The following DHRSX variants were observed in gnomAD, a reference collection of about 807,000 sequenced individuals.
DHRSX encodes dehydrogenase/reductase X-linked, also known as polyprenol dehydrogenase.
In DHRSX, 31 loss-of-function variants were observed where a neutral mutation model predicts 34.0. The ratio of observed to expected loss-of-function variants is 0.91; its 90% CI spans 0.69 to 1.23. DHRSX has a LOEUF of 1.23. Ranked by LOEUF, DHRSX falls within the 50% of genes most tolerant of loss-of-function variation. The probability of loss-of-function intolerance (pLI) is 0.00; values close to 1 mark genes in which losing one functional copy is unlikely to be tolerated. For missense variants in DHRSX, 414 were observed against 428.1 expected (o/e 0.97, Z 0.29); for synonymous variants, 201 against 183.8 (o/e 1.09, Z -0.76).
intron 1 of DHRSX, among the ~76,000 whole-genome samples, chrX:2,485,365 T>C (rs1204992535): frequency 6.6e-6 from 1 of 151,562 alleles, no homozygotes; most frequent in African/African-American, 2.4e-5. Flanking sequence ...ATTTTAATGA[T>C]GCCCAAGGAC....
At chrX:2,284,529 G>A (rs964214225) in intron 4 of DHRSX, among the ~76,000 whole-genome samples, 2 of 152,136 alleles carry the variant, frequency 1.3e-5, no homozygotes, top group South Asian at 2.1e-4. Context: ...TATCGTGGAC[G>A]TATTTCTTTG....
At chrX:2,271,063 T>C (rs1052197413) in intron 4 of DHRSX, among the ~76,000 whole-genome samples, 1 of 152,196 alleles carries the variant, frequency 6.6e-6, no homozygotes, top group African/African-American at 2.4e-5. Flanking sequence ...TTGTGGAAAC[T>C]TTGTTGTTTC....
rs1569485752 is a variant in DHRSX at position 2,303,876 on chromosome X, G to GAT, written c.287-12274_287-12273insAT. On this transcript the variant is annotated intron_variant, in intron 3 of 6. Coordinates refer to ENST00000334651, the MANE Select transcript of DHRSX (RefSeq NM_145177.3). ...GGGTGGATGGGTGGATGGGTGGATG[G>GAT]GTGGATGGATGGATGGATGGATAAA... is the stretch of plus-strand genomic sequence containing the variant. Among the ~76,000 whole-genome samples, 304 of 138,922 alleles carry GAT rather than the reference G, an allele frequency of 2.2e-3. 2 individuals are homozygous for GAT. Among genetic ancestry groups the GAT allele is most frequent in the African/African-American group, 8.0e-3 (277 of 34,436 alleles). 91.1% of individuals were successfully genotyped at this position (138,922 alleles called of 152,430 possible). A position where few individuals can be genotyped will look rare whatever the true frequency, so the allele number is the denominator to read the frequency against.
chrX:2,424,556 C>G (rs1371972640), intron 2 of DHRSX, among the ~76,000 whole-genome samples: 1 of 152,084 alleles, frequency 6.6e-6, no homozygotes, highest in African/African-American at 2.4e-5. Flanking sequence ...TAAATTTTGG[C>G]TTTTTAAGCA....
intron 4 of DHRSX, among the ~76,000 whole-genome samples, chrX:2,269,442 T>C (rs1327756409): frequency 1.3e-5 from 2 of 152,250 alleles, no homozygotes; most frequent in Non-Finnish European, 2.9e-5. Flanking sequence ...CTCTACTTAT[T>C]TGTATATGTA....
chrX:2,434,322 T>G (rs1239310839), intron 1 of DHRSX, among the ~76,000 whole-genome samples: 2 of 152,150 alleles, frequency 1.3e-5, no homozygotes, highest in African/African-American at 4.8e-5. Flanking sequence ...TCAGTTCAAA[T>G]GTACCCACCA....
rs542791415 is a variant in DHRSX at position 2,425,288 on chromosome X, A to G, written c.126T>C (p.Pro42=). Residue 42 remains proline (P), a synonymous_variant, in exon 2 of 7, where the codon CCT becomes CCC. Transcript: ENST00000334651. ...CTCCCGTCACTATAGCGACACGGTCAGGTCGTGGGGGGAAAACTGAAAAAG... is the reference window on the plus strand; with the variant it reads ...CTCCCGTCACTATAGCGACACGGTCGGGTCGTGGGGGGAAAACTGAAAAAG... ...GFLEPVFPPR[P]DRVAIVTGGT... 5.9e-5 allele frequency: 96 copies of G among 1,613,736 alleles called. No individual in the cohort carries two copies. Among genetic ancestry groups the G allele is most frequent in the Non-Finnish European group, 7.5e-5 (89 of 1,179,684 alleles).
At chrX:2,468,958 C>T (rs1359846547) in intron 1 of DHRSX, among the ~76,000 whole-genome samples, 2 of 151,608 alleles carry the variant, frequency 1.3e-5, no homozygotes, top group Non-Finnish European at 1.5e-5. Flanking sequence ...GCTCAGGGAC[C>T]ACCACCATGT....
intron 6 of DHRSX, among the ~76,000 whole-genome samples, chrX:2,238,745 G>A (rs1362551382): frequency 2.1e-5 from 3 of 146,208 alleles, no homozygotes; most frequent in African/African-American, 5.0e-5. Flanking sequence ...CACCACACTC[G>A]GCTAATTTTT....
At chrX:2,267,858 G>T (rs1432440685) in intron 4 of DHRSX, among the ~76,000 whole-genome samples, 3 of 151,926 alleles carry the variant, frequency 2.0e-5, no homozygotes, top group Non-Finnish European at 4.4e-5. Context: ...GAGGCGGGAG[G>T]ATTGTTTGAG....
chrX:2,354,313 C>T (rs934879412), intron 3 of DHRSX, among the ~76,000 whole-genome samples: 1 of 152,196 alleles, frequency 6.6e-6, no homozygotes, highest in African/African-American at 2.4e-5. Flanking sequence ...TCCACTTCGG[C>T]TGCACCATGT....
intron 4 of DHRSX, among the ~76,000 whole-genome samples, chrX:2,275,097 A>G (rs1328961456): frequency 2.6e-5 from 4 of 152,100 alleles, no homozygotes; most frequent in African/African-American, 9.7e-5. Context: ...AGGCTTTTGT[A>G]TGTGTTTTAA....
intron 1 of DHRSX, among the ~76,000 whole-genome samples, chrX:2,443,707 T>TA (rs992231481): frequency 9.3e-5 from 14 of 151,348 alleles, no homozygotes; most frequent in East Asian, 1.9e-4. Context: ...GATGAGATGG[T>TA]AAAAAAAAGA....
At chrX:2,415,124 A>G (rs1375449942) in intron 2 of DHRSX, among the ~76,000 whole-genome samples, 1 of 151,852 alleles carries the variant, frequency 6.6e-6, no homozygotes, top group African/African-American at 2.4e-5. Context: ...TGACCAATGC[A>G]CTAGACCTCA....
At chrX:2,415,280 T>G (rs963878773) in intron 2 of DHRSX, among the ~76,000 whole-genome samples, 1 of 151,734 alleles carries the variant, frequency 6.6e-6, no homozygotes, top group Non-Finnish European at 1.5e-5. Context: ...CTAATACAAC[T>G]AGATTTCATT....
chrX:2,224,701 C>T (rs144523222), intron 6 of DHRSX, among the ~76,000 whole-genome samples: 50,670 of 151,908 alleles, frequency 0.33, 9,525 homozygotes, highest in East Asian at 0.75. Context: ...AATATATATA[C>T]ACATATGGAC....
intron 1 of DHRSX, among the ~76,000 whole-genome samples, chrX:2,462,512 G>A (rs2044417210): frequency 6.9e-6 from 1 of 144,506 alleles, no homozygotes; most frequent in Non-Finnish European, 1.5e-5. Context: ...TGCAGCCTGG[G>A]CAACAAGAGC....
In DHRSX at chrX:2,393,132, T is replaced by C. The variant is rs1369852474; in HGVS notation, c.286+15613A>G. Among the ~76,000 whole-genome samples, 24 of 147,956 alleles carry C rather than the reference T, an allele frequency of 1.6e-4. No individual in the cohort carries two copies. In the Admixed American group the frequency reaches 1.6e-3, roughly 10 times the overall value. Reference sequence around the variant, plus strand: ...TATATAATAATACATTATAATTTAATGTATATGCTTTATAATAATAAATAT... The same window carrying C: ...TATATAATAATACATTATAATTTAACGTATATGCTTTATAATAATAAATAT... On this transcript the variant is annotated intron_variant, in intron 3 of 6. Coordinates refer to ENST00000334651, the MANE Select transcript of DHRSX (RefSeq NM_145177.3).
chrX:2,384,656 A>G lies in DHRSX; in HGVS notation c.286+24089T>C, dbSNP rs764290939. 3.3e-5 allele frequency among the ~76,000 whole-genome samples: 5 copies of G among 151,824 alleles called. No individual in the cohort carries two copies. In the East Asian group the frequency reaches 5.8e-4, roughly 18 times the overall value. On this transcript the variant is annotated intron_variant, in intron 3 of 6. Transcript: ENST00000334651. ...TTTAATTCCTCACTCCAGCTGGACTATAAATTCCACACAGGCAAGAAGCAA... is the reference window on the plus strand; with the variant it reads ...TTTAATTCCTCACTCCAGCTGGACTGTAAATTCCACACAGGCAAGAAGCAA...
Sources: gnomAD v4.1 joint callset for allele counts (sites outside exome capture counted in the v4.1 genomes callset) on GRCh38, gnomAD v4.1.1 for gene constraint, MANE v1.5 for transcripts, NCBI Gene and HGNC (gene_info 2026-07-23, HGNC 2026-07-21) for gene names.